Variants in GPHN observed in about 807,000 individuals in gnomAD.
GPHN encodes gephyrin.
A neutral mutation model predicts 95.5 loss-of-function variants in GPHN; 17 were observed. The ratio of observed to expected loss-of-function variants is 0.18; its 90% CI spans 0.12 to 0.27. The LOEUF (loss-of-function observed/expected upper bound fraction) is 0.27, where lower values mean the gene tolerates loss of function less well. GPHN is among the 10% of genes least tolerant of loss of function. The pLI is 1.00. For missense variants in GPHN, 660 were observed against 978.1 expected, an observed-to-expected ratio of 0.67 and a Z score of 4.34; for synonymous variants, 320 against 322.5, an observed-to-expected ratio of 0.99 and a Z score of 0.08.
At position 66,508,521 on chromosome 14, in the gene GPHN, G is replaced by C; in HGVS notation, c.-7G>C. Reference sequence around the variant, plus strand: ...CTCCTGTCAGTGCGGTGACTGCGCTGGGAAACATGGCGACCGAGGGAATGA... The same window carrying C: ...CTCCTGTCAGTGCGGTGACTGCGCTCGGAAACATGGCGACCGAGGGAATGA... On this transcript the variant is annotated 5_prime_UTR_variant, in exon 1 of 23. Coordinates refer to ENST00000478722, the MANE Select transcript of GPHN (RefSeq NM_020806.5). 1.2e-6 allele frequency: 2 copies of C among 1,613,848 alleles called. No homozygotes were observed. Among genetic ancestry groups the C allele is most frequent in the Admixed American group, 3.3e-5 (2 of 60,036 alleles).
rs543339891 is a variant in GPHN at position 66,662,941 on chromosome 14, A to C, written c.65-18166A>C. 2.4e-3 allele frequency among the ~76,000 whole-genome samples: 365 copies of C among 152,306 alleles called. 4 individuals carry two copies. Among genetic ancestry groups the C allele is most frequent in the African/African-American group, 8.3e-3 (344 of 41,558 alleles). ...AGGAATAGAGAAAAAAGAATGAAAAAGAATGGACAAAACCTCTGAGAAATA... is the reference window on the plus strand; with the variant it reads ...AGGAATAGAGAAAAAAGAATGAAAACGAATGGACAAAACCTCTGAGAAATA... On this transcript the variant is annotated intron_variant, in intron 1 of 22. Transcript: ENST00000478722.
the GPHN span, among the ~76,000 whole-genome samples, chr14:67,422,743 T>C: frequency 2.6e-5 from 4 of 151,990 alleles, no homozygotes; most frequent in South Asian, 8.3e-4. Context: ...CCAACACAGA[T>C]GTTGTTAGTT....
chr14:66,563,145 T>C (rs1172420190), intron 1 of GPHN, among the ~76,000 whole-genome samples: 1 of 152,108 alleles, frequency 6.6e-6, no homozygotes, highest in African/African-American at 2.4e-5. Flanking sequence ...GAAATAAGTT[T>C]TAATGCTCTA....
intron 4 of GPHN, among the ~76,000 whole-genome samples, chr14:66,846,991 C>T (rs1014722032): frequency 7.9e-5 from 12 of 152,046 alleles, no homozygotes; most frequent in Non-Finnish European, 1.0e-4. Flanking sequence ...GTTTTTCTTA[C>T]GGATTTGATT....
chr14:67,144,273 A>ACATACATC (rs2080752086), intron 18 of GPHN, among the ~76,000 whole-genome samples: 1 of 120,304 alleles, frequency 8.3e-6, no homozygotes, highest in Non-Finnish European at 1.7e-5. Flanking sequence ...ATATATATAT[A>ACATACATC]TATATATATA....
chr14:67,292,153 A>G, the GPHN span, among the ~76,000 whole-genome samples: 307 of 152,310 alleles, frequency 2.0e-3, no homozygotes, highest in African/African-American at 6.9e-3. Flanking sequence ...AACATTTACA[A>G]TGTACTGTTA....
the GPHN span, among the ~76,000 whole-genome samples, chr14:67,265,856 C>CAA: frequency 1.9e-3 from 144 of 75,408 alleles, no homozygotes; most frequent in African/African-American, 6.7e-3. Flanking sequence ...GACTCCATCT[C>CAA]AAAAAAAAAA....
the GPHN span, among the ~76,000 whole-genome samples, chr14:67,258,636 G>A: frequency 3.3e-5 from 5 of 152,186 alleles, no homozygotes; most frequent in South Asian, 8.3e-4. Flanking sequence ...TGCCCAGGCC[G>A]GTCTTGAACT....
the GPHN span, chr14:67,587,516 G>A: frequency 2.2e-6 from 1 of 452,604 alleles, no homozygotes; most frequent in Non-Finnish European, 4.1e-6. Context: ...AGACAGGGAT[G>A]ATCCACTGTT....
intron 4 of GPHN, among the ~76,000 whole-genome samples, chr14:66,866,277 T>C (rs1012696900): frequency 1.3e-5 from 2 of 152,138 alleles, no homozygotes; most frequent in African/African-American, 4.8e-5. Flanking sequence ...TTTTTTAACG[T>C]AGGTTGAAAG....
intron 2 of GPHN, among the ~76,000 whole-genome samples, chr14:66,681,814 A>G (rs969870293): frequency 2.6e-5 from 4 of 152,124 alleles, no homozygotes; most frequent in Non-Finnish European, 4.4e-5. Context: ...CATACTATCT[A>G]TGAACATACC....
chr14:66,511,953 AACTGTCTTATGTTG>A (rs1045502088), intron 1 of GPHN, among the ~76,000 whole-genome samples: 4 of 152,114 alleles, frequency 2.6e-5, no homozygotes, highest in African/African-American at 9.6e-5. Context: ...CTTTGTTCGA[AACTGTCTTATGTTG>A]ACTTGACAGA....
chr14:67,600,264 G>A, the GPHN span: 196 of 1,374,502 alleles, frequency 1.4e-4, no homozygotes, highest in Middle Eastern at 5.8e-3. Context: ...GGCCCTGGCC[G>A]TCTCGCCCGC....
At chr14:67,600,029 A>G in the GPHN span, 1 of 1,563,680 alleles carries the variant, frequency 6.4e-7, no homozygotes. Context: ...ATTACCTCGC[A>G]GAGGGTGAAG....
chr14:67,348,006 G>A, the GPHN span, among the ~76,000 whole-genome samples: 5 of 151,714 alleles, frequency 3.3e-5, no homozygotes, highest in African/African-American at 1.2e-4. Context: ...ACCGCCTCCT[G>A]GGGTCAAGTG....
At chr14:67,550,763 T>C in the GPHN span, among the ~76,000 whole-genome samples, 1 of 152,218 alleles carries the variant, frequency 6.6e-6, no homozygotes, top group East Asian at 1.9e-4. Flanking sequence ...GATTTGGATG[T>C]GAGAGGCAGT....
the GPHN span, among the ~76,000 whole-genome samples, chr14:67,620,504 G>C: frequency 6.6e-6 from 1 of 152,172 alleles, no homozygotes; most frequent in East Asian, 1.9e-4. Context: ...AAGTCTTCTG[G>C]ATCCATTCAC....
chr14:67,695,692 G>C, the GPHN span: 1 of 1,614,180 alleles, frequency 6.2e-7, no homozygotes, highest in Admixed American at 1.7e-5. Context: ...GCGGGAACAT[G>C]AGCTCAACCA....
the GPHN span, among the ~76,000 whole-genome samples, chr14:67,731,207 CTTTTTTTT>C: frequency 7.7e-5 from 7 of 90,610 alleles, 1 homozygote; most frequent in Admixed American, 2.8e-4. Context: ...TTCTTTCTTT[CTTTTTTTT>C]TTTTTTTTTT....
Sources: gnomAD v4.1 joint callset for allele counts (sites outside exome capture counted in the v4.1 genomes callset) on GRCh38, gnomAD v4.1.1 for gene constraint, MANE v1.5 for transcripts, NCBI Gene and HGNC (gene_info 2026-07-23, HGNC 2026-07-21) for gene names.